PWWP2A: variants seen among roughly 807,000 people sequenced by gnomAD.
PWWP2A encodes the protein PWWP domain containing 2A.
PWWP2A carries 18 observed loss-of-function variants against 48.5 expected under a neutral mutation model. The ratio of observed to expected loss-of-function variants is 0.37; its 90% CI spans 0.26 to 0.55. The LOEUF (loss-of-function observed/expected upper bound fraction) is 0.55. Ranked by LOEUF, PWWP2A falls within the 20% of genes least tolerant of loss-of-function variation. The pLI, the probability that PWWP2A is intolerant of heterozygous loss-of-function variation, is 0.81. For missense variants in PWWP2A, 867 were observed against 976.4 expected (o/e 0.89, Z 1.49); for synonymous variants, 396 against 387.7 (o/e 1.02, Z -0.25).
intron 2 of PWWP2A, among the ~76,000 whole-genome samples, chr5:160,083,638 C>A (rs1754405621): frequency 6.6e-6 from 1 of 152,152 alleles, no homozygotes; most frequent in South Asian, 2.1e-4. Flanking sequence ...CTGCATTGGG[C>A]CCTACCAGCT....
the PWWP2A span, among the ~76,000 whole-genome samples, chr5:160,055,163 C>T: frequency 7.0e-4 from 106 of 152,160 alleles, no homozygotes; most frequent in African/African-American, 2.5e-3. Flanking sequence ...AGGGTAAAGA[C>T]ATCTGTCATC....
At chr5:160,109,772 AAAATATATATATATATATATAT>A (rs1757290774) in intron 1 of PWWP2A, among the ~76,000 whole-genome samples, 1 of 27,874 alleles carries the variant, frequency 3.6e-5, no homozygotes, top group Non-Finnish European at 6.9e-5. Flanking sequence ...AAAAAAAAAA[AAAATATATATATATATATATAT>A]ATATATATAT....
intron 1 of PWWP2A, among the ~76,000 whole-genome samples, chr5:160,105,347 G>C (rs902685525): frequency 6.7e-6 from 1 of 149,556 alleles, no homozygotes; most frequent in African/African-American, 2.5e-5. Flanking sequence ...AGGAGATGGA[G>C]ACCATCCTGT....
intron 4 of PWWP2A, among the ~76,000 whole-genome samples, chr5:160,065,906 A>T (rs922653772): frequency 6.6e-6 from 1 of 152,230 alleles, no homozygotes; most frequent in Non-Finnish European, 1.5e-5. Context: ...AGAGGTGTCA[A>T]AGATAGAATT....
At chr5:160,112,126 CA>C (rs11480893) in intron 1 of PWWP2A, among the ~76,000 whole-genome samples, 114 of 90,850 alleles carry the variant, frequency 1.3e-3, no homozygotes, top group Admixed American at 8.0e-3. Flanking sequence ...GACCCTTTCT[CA>C]AAAAAAAAAA....
chr5:160,118,665 G>A (rs918095981), intron 1 of PWWP2A, 140 bp downstream of exon 1: 6 of 836,822 alleles, frequency 7.2e-6, no homozygotes, highest in Non-Finnish European at 9.9e-6. Context: ...CACTCGGAGC[G>A]CGCGCCACGC....
At chr5:160,065,413 G>C (rs1194673708) in intron 4 of PWWP2A, 1 of 475,212 alleles carries the variant, frequency 2.1e-6, no homozygotes, top group African/African-American at 2.0e-5. Flanking sequence ...CAAACCTGTT[G>C]GTTGGGAGAC....
chr5:160,054,411 C>T, the PWWP2A span, among the ~76,000 whole-genome samples: 1 of 152,098 alleles, frequency 6.6e-6, no homozygotes, highest in African/African-American at 2.4e-5. Context: ...CCCAGCAGTT[C>T]GAGACCAGCC....
At chr5:160,082,443 CAAAAAAAA>C (rs35974527) in intron 2 of PWWP2A, among the ~76,000 whole-genome samples, 1 of 134,710 alleles carries the variant, frequency 7.4e-6, no homozygotes, top group Non-Finnish European at 1.6e-5. Flanking sequence ...GACTCCGTCT[CAAAAAAAA>C]AAAAAAAGAA....
chr5:160,091,638 A>T lies in PWWP2A; in HGVS notation c.*744T>A. 1.0e-6 allele frequency: 1 copy of T among 984,900 alleles called. No homozygotes were observed. The allele number at this position is 984,900 out of a possible 1,614,324, so 61.0% of individuals were successfully genotyped here. ...TATTTACAAATCCAAAATCAAACCT[A>T]TCTAAACTCCCAAACCAGAAGCTTG... On this transcript the variant is annotated 3_prime_UTR_variant, in exon 2 of 2. Transcript: ENST00000307063.
Position 160,105,553 on chromosome 5 carries a change from CAA to C in PWWP2A, c.585-11490_585-11489del, listed in dbSNP as rs573797023. 7.4e-3 allele frequency: 1,636 copies of C among 219,846 alleles called. 1 individual carries two copies. Among genetic ancestry groups the C allele is most frequent in the African/African-American group, 0.01 (278 of 27,404 alleles). The allele number at this position is 219,846 out of a possible 1,614,324, so 13.6% of individuals were successfully genotyped here. A position where few individuals can be genotyped will look rare whatever the true frequency, so the allele number is the denominator to read the frequency against. ...CTGGTGACAGAGCGAGACTCCATCTCAAAAAAAAAAAAAAGAACAAAAATGGA... is the reference window on the plus strand; with the variant it reads ...CTGGTGACAGAGCGAGACTCCATCTCAAAAAAAAAAAAGAACAAAAATGGA... On this transcript the variant is annotated intron_variant, in intron 1 of 1. Coordinates refer to ENST00000307063, the MANE Select transcript of PWWP2A (RefSeq NM_001130864.2).
In PWWP2A at chr5:160,112,818, G is replaced by A. The variant is rs114339282; in HGVS notation, c.584+5987C>T. ...GGAGCTTAGTAAGGCACAATGATTTGCCCAAAGGCACAGTGCTAATAGGAG... is the reference window on the plus strand; with the variant it reads ...GGAGCTTAGTAAGGCACAATGATTTACCCAAAGGCACAGTGCTAATAGGAG... On this transcript the variant is annotated intron_variant, in intron 1 of 1. Coordinates refer to ENST00000307063, the MANE Select transcript of PWWP2A (RefSeq NM_001130864.2). 4.0e-3 allele frequency among the ~76,000 whole-genome samples: 603 copies of A among 152,248 alleles called. 3 individuals carry two copies. Among genetic ancestry groups the A allele is most frequent in the African/African-American group, 0.014 (585 of 41,544 alleles).
At chr5:160,064,912 T>G in intron 4 of PWWP2A, 3 of 1,603,816 alleles carry the variant, frequency 1.9e-6, no homozygotes, top group Middle Eastern at 1.7e-4. Flanking sequence ...TTCATTTGAG[T>G]TTTTGCTTTT....
At chr5:160,047,061 G>C in the PWWP2A span, among the ~76,000 whole-genome samples, 1 of 152,052 alleles carries the variant, frequency 6.6e-6, no homozygotes, top group South Asian at 2.1e-4. Context: ...AACAAAAGGA[G>C]TATTTTCATA....
intron 1 of PWWP2A, among the ~76,000 whole-genome samples, chr5:160,111,468 CT>C (rs1181389093): frequency 0.013 from 1,977 of 147,652 alleles, 48 homozygotes; most frequent in African/African-American, 0.046. Context: ...GCGCCTGGCA[CT>C]TTTTTTTTTT....
intron 2 of PWWP2A, among the ~76,000 whole-genome samples, chr5:160,085,753 C>T (rs1032052309): frequency 6.6e-6 from 1 of 151,656 alleles, no homozygotes; most frequent in Non-Finnish European, 1.5e-5. Context: ...GATCCGCCCG[C>T]CTTGGCCTCC....
At chr5:160,051,259 G>A in the PWWP2A span, 15 of 1,193,702 alleles carry the variant, frequency 1.3e-5, no homozygotes, top group Non-Finnish European at 1.8e-5. Flanking sequence ...TACTAGAGGA[G>A]AACACATGAG....
intron 2 of PWWP2A, among the ~76,000 whole-genome samples, chr5:160,068,275 A>G (rs1467508461): frequency 6.6e-6 from 1 of 152,342 alleles, no homozygotes; most frequent in African/African-American, 2.4e-5. Context: ...GACGTTGTAC[A>G]TATTCTTATT....
At chr5:160,048,124 T>G in the PWWP2A span, among the ~76,000 whole-genome samples, 1 of 98,502 alleles carries the variant, frequency 1.0e-5, no homozygotes, top group Admixed American at 1.4e-4. Context: ...GCCAAGACAT[T>G]GCTTTTTTTT....
Sources: allele counts gnomAD v4.1 joint callset (sites outside exome capture counted in the v4.1 genomes callset), GRCh38; gene constraint gnomAD v4.1.1; transcripts MANE v1.5; gene names NCBI Gene and HGNC (gene_info 2026-07-23, HGNC 2026-07-21).